The following RFLNA variants were observed in gnomAD, a reference collection of about 807,000 sequenced individuals.
RFLNA encodes refilin A, also known as refilin-A.
In RFLNA, 5 loss-of-function variants were observed where a neutral mutation model predicts 7.8. The observed-to-expected ratio is 0.64, with a 90% confidence interval of 0.34 to 1.35. The LOEUF (loss-of-function observed/expected upper bound fraction) is 1.35. RFLNA is among the 40% of genes most tolerant of loss of function. The probability of loss-of-function intolerance (pLI) is 0.04; values close to 1 mark genes in which losing one functional copy is unlikely to be tolerated. For missense variants in RFLNA, 278 were observed against 305.5 expected, an observed-to-expected ratio of 0.91 and a Z score of 0.67; for synonymous variants, 141 against 131.3, an observed-to-expected ratio of 1.07 and a Z score of -0.50.
chr12:124,303,413 G>A (rs751449004), intron 1 of RFLNA, among the ~76,000 whole-genome samples: 3 of 152,198 alleles, frequency 2.0e-5, no homozygotes, highest in Non-Finnish European at 4.4e-5. Context: ...ACCCTCCAGG[G>A]CCCGTCCTGC....
chr12:124,314,639 T>C lies in RFLNA; in HGVS notation c.*114T>C. On this transcript the variant is annotated 3_prime_UTR_variant, in exon 3 of 3. Coordinates refer to ENST00000546355, the MANE Select transcript of RFLNA (RefSeq NM_001365156.1). ...TCGGGCAGGAGGCGGGAAGGGAGGC[T>C]GCCAGACCAAGGACCCGTGTGGAAG... The C allele has an allele frequency of 6.6e-7, 1 of 1,509,106 alleles. No individual in the cohort carries two copies. Among genetic ancestry groups the C allele is most frequent in the South Asian group, 1.2e-5 (1 of 82,738 alleles). 93.5% of individuals were successfully genotyped at this position (1,509,106 alleles called of 1,614,324 possible). A position where few individuals can be genotyped will look rare whatever the true frequency, so the allele number is the denominator to read the frequency against.
upstream of RFLNA, among the ~76,000 whole-genome samples, chr12:124,290,180 GTCTTT>G (rs2033796896): frequency 6.6e-6 from 1 of 152,150 alleles, no homozygotes; most frequent in African/African-American, 2.4e-5. This position sits in a 1 kb window ranked among gnomAD's most constrained non-coding sequence, Gnocchi z 4.0. Flanking sequence ...CAGTTCTCTC[GTCTTT>G]TCTTCTTCTC....
chr12:124,309,904 C>T (rs2034207962), intron 1 of RFLNA, among the ~76,000 whole-genome samples: 1 of 152,182 alleles, frequency 6.6e-6, no homozygotes, highest in African/African-American at 2.4e-5. Context: ...CGTGGTGGCT[C>T]ACGCCTGCAG....
Position 124,295,630 on chromosome 12 carries a change from C to CA in RFLNA, c.202dup (p.Arg68LysfsTer37), listed in dbSNP as rs1420561115. ...CGGAGCCCCCGGGACCCAGCGAGGCCAGAGCGGTAAGGAGGCGCTCTCTCT... is the reference window on the plus strand; with the variant it reads ...CGGAGCCCCCGGGACCCAGCGAGGCCAAGAGCGGTAAGGAGGCGCTCTCTCT... On this transcript the variant is annotated frameshift_variant, in exon 1 of 3. Coordinates refer to ENST00000546355, the MANE Select transcript of RFLNA (RefSeq NM_001365156.1). LOFTEE classifies it high-confidence loss of function. 4.1e-6 allele frequency: 5 copies of CA among 1,223,204 alleles called. No individual in the cohort carries two copies. The African/African-American group carries it at 8.1e-5, about 20-fold the overall frequency. 75.8% of individuals were successfully genotyped at this position (1,223,204 alleles called of 1,614,324 possible). A position where few individuals can be genotyped will look rare whatever the true frequency, so the allele number is the denominator to read the frequency against.
rs1593034269 is a variant in RFLNA at position 124,305,909 on chromosome 12, G to C, written c.208-5909G>C. Among the ~76,000 whole-genome samples the C allele has an allele frequency of 1.3e-5, 2 of 152,330 alleles. 1 individual carries two copies. Among genetic ancestry groups the C allele is most frequent in the East Asian group, 3.9e-4 (2 of 5,192 alleles). On this transcript the variant is annotated intron_variant, in intron 1 of 2. Transcript: ENST00000546355. ...TCACTCCGTGTCAATGCCAGGGAGA[G>C]ATGGGGCCACCTCGAGGCCAGCTGC...
upstream of RFLNA, among the ~76,000 whole-genome samples, chr12:124,292,327 C>A (rs886391693): frequency 7.2e-5 from 11 of 152,198 alleles, no homozygotes; most frequent in African/African-American, 2.7e-4. Flanking sequence ...TCTTGAAAGA[C>A]CCCCTTTTCT....
At position 124,306,800 on chromosome 12, in the gene RFLNA, G is replaced by T. The variant is rs912987656; in HGVS notation, c.208-5018G>T. Among the ~76,000 whole-genome samples the T allele has an allele frequency of 6.6e-6, 1 of 152,168 alleles. No individual in the cohort carries two copies. The highest frequency in any genetic ancestry group is 2.4e-5 in the African/African-American group (1 of 41,426). ...TCCTCATTGTCCAGGCAGGTATGGGGGCGGCGGGGAGGGGACAGATGTAGG... is the reference window on the plus strand; with the variant it reads ...TCCTCATTGTCCAGGCAGGTATGGGTGCGGCGGGGAGGGGACAGATGTAGG... On this transcript the variant is annotated intron_variant, in intron 1 of 2. Transcript: ENST00000546355. The surrounding 1 kb of genome is among the most constrained non-coding windows in gnomAD (Gnocchi z 5.2).
In RFLNA at chr12:124,295,454, G is replaced by A; in HGVS notation, c.25G>A (p.Gly9Ser). The change falls in exon 1 of 3, where the codon GGC becomes AGC. Residue 9 changes from glycine to serine, a missense_variant. By Grantham distance (56) the Gly-to-Ser change is moderately conservative (BLOSUM62 0). Coordinates refer to ENST00000546355, the MANE Select transcript of RFLNA (RefSeq NM_001365156.1). MVGHLHLQ[G>S]MEDSLKEQGR... ...CATGGTGGGCCACCTGCATCTGCAGGGCATGGAGGACAGCCTGAAGGAGCA... is the reference window on the plus strand; with the variant it reads ...CATGGTGGGCCACCTGCATCTGCAGAGCATGGAGGACAGCCTGAAGGAGCA... The A allele has an allele frequency of 1.6e-6, 2 of 1,254,916 alleles. No homozygotes were observed. The highest frequency in any genetic ancestry group is 2.0e-6 in the Non-Finnish European group (2 of 1,002,036). The allele number at this position is 1,254,916 out of a possible 1,614,324, so 77.7% of individuals were successfully genotyped here.
chr12:124,313,687 A>T (rs984343575), intron 2 of RFLNA, among the ~76,000 whole-genome samples: 1 of 152,194 alleles, frequency 6.6e-6, no homozygotes. Context: ...TCAAAAAAAA[A>T]AAAAAAGGTT....
upstream of RFLNA, among the ~76,000 whole-genome samples, chr12:124,291,502 G>T (rs1266876365): frequency 3.9e-5 from 6 of 152,032 alleles, no homozygotes; most frequent in East Asian, 1.2e-3. Flanking sequence ...GTTGATCCAC[G>T]CACCTTGGCC....
chr12:124,304,137 G>A (rs1238185522), intron 1 of RFLNA, among the ~76,000 whole-genome samples: 2 of 152,236 alleles, frequency 1.3e-5, no homozygotes, highest in Non-Finnish European at 2.9e-5. Flanking sequence ...AGGGCGCCAC[G>A]ACCGTTTCGA....
intron 1 of RFLNA, among the ~76,000 whole-genome samples, chr12:124,301,889 T>C (rs1039409665): frequency 6.6e-6 from 1 of 152,184 alleles, no homozygotes; most frequent in African/African-American, 2.4e-5. Context: ...ACTGGGTGGC[T>C]TAACACAGAA....
At chr12:124,300,329 A>G (rs1000016756) in intron 1 of RFLNA, among the ~76,000 whole-genome samples, 5 of 152,132 alleles carry the variant, frequency 3.3e-5, no homozygotes, top group Non-Finnish European at 5.9e-5. Flanking sequence ...GAGCTTCCCT[A>G]AGGAAGACGT....
rs114392754 is a variant in RFLNA at position 124,315,053 on chromosome 12, G to T, written c.*528G>T. 729 of 237,936 alleles carry T rather than the reference G, an allele frequency of 3.1e-3. 7 individuals carry two copies. The highest frequency in any genetic ancestry group is 0.015 in the African/African-American group (684 of 44,560). 14.7% of individuals were successfully genotyped at this position (237,936 alleles called of 1,614,324 possible). A position where few individuals can be genotyped will look rare whatever the true frequency, so the allele number is the denominator to read the frequency against. ...AAAACAGCCTTTTCGCACACATGCAGGTTGCACCGAGAGGTCTGGAGCTGT... is the reference window on the plus strand; with the variant it reads ...AAAACAGCCTTTTCGCACACATGCATGTTGCACCGAGAGGTCTGGAGCTGT... On this transcript the variant is annotated 3_prime_UTR_variant, in exon 3 of 3. Transcript: ENST00000546355.
intron 1 of RFLNA, among the ~76,000 whole-genome samples, chr12:124,300,235 T>TGTCACCTTCAGGGCTCC (rs1443129428): frequency 6.6e-6 from 1 of 152,256 alleles, no homozygotes; most frequent in Non-Finnish European, 1.5e-5. Flanking sequence ...GCCTGGGCTC[T>TGTCACCTTCAGGGCTCC]GTCACCTTCA....
chr12:124,310,244 C>G (rs529797278), intron 1 of RFLNA, among the ~76,000 whole-genome samples: 2 of 145,090 alleles, frequency 1.4e-5, no homozygotes, highest in East Asian at 4.3e-4. Context: ...GAAATCTCTA[C>G]TTCAAGATGC....
intron 1 of RFLNA, among the ~76,000 whole-genome samples, chr12:124,296,575 C>CG (rs2033933565): frequency 6.6e-6 from 1 of 152,164 alleles, no homozygotes; most frequent in Non-Finnish European, 1.5e-5. Context: ...CCTGGGGCCC[C>CG]GGGGATTCTT....
At position 124,295,566 on chromosome 12, in the gene RFLNA, G is replaced by A. The variant is rs2033892908; in HGVS notation, c.137G>A (p.Gly46Asp). The A allele has an allele frequency of 8.0e-7, 1 of 1,248,184 alleles. No individual in the cohort carries two copies. The highest frequency in any genetic ancestry group is 1.0e-6 in the Non-Finnish European group (1 of 996,254). The allele number at this position is 1,248,184 out of a possible 1,614,324, so 77.3% of individuals were successfully genotyped here. Residue 46 changes from glycine (G) to aspartate (D), a missense_variant, in exon 1 of 3, where the codon GGC (glycine) becomes GAC (aspartate). Transcript: ENST00000546355. ...CCGCCCTTCTACTCCCTGGCGCCCG[G>A]CATCCTCGACGCGCGCGCGGGGGGC... ...PSPPFYSLAPGILDARAGGAG... is the reference protein window; with the variant it reads ...PSPPFYSLAPDILDARAGGAG...
intron 1 of RFLNA, among the ~76,000 whole-genome samples, chr12:124,303,055 G>A (rs2034073667): frequency 6.6e-6 from 1 of 152,184 alleles, no homozygotes; most frequent in Admixed American, 6.5e-5. Context: ...GCTCCTGGGT[G>A]AAAGCTCATG....
Sources: gnomAD v4.1 joint callset for allele counts (sites outside exome capture counted in the v4.1 genomes callset) on GRCh38, gnomAD v4.1.1 for gene constraint, Gnocchi (gnomAD v3.1) non-coding constraint, MANE v1.5 for transcripts, NCBI Gene and HGNC (gene_info 2026-07-23, HGNC 2026-07-21) for gene names.